DNM1L: variants seen among roughly 807,000 people sequenced by gnomAD.
DNM1L encodes dynamin-1-like protein.
DNM1L carries 33 observed loss-of-function variants against 92.8 expected under a neutral mutation model. The observed-to-expected ratio is 0.36, with a 90% CI of 0.27 to 0.48. DNM1L has a LOEUF of 0.48. Ranked by LOEUF, DNM1L falls within the 20% of genes least tolerant of loss-of-function variation. The pLI, the probability that DNM1L is intolerant of heterozygous loss-of-function variation, is 0.99. For missense variants in DNM1L, 485 were observed against 888.8 expected (o/e 0.55, Z 5.78); for synonymous variants, 284 against 305.0 (o/e 0.93, Z 0.72).
intron 2 of DNM1L, among the ~76,000 whole-genome samples, chr12:32,704,667 G>GC (rs1267819896): frequency 1.3e-5 from 2 of 151,778 alleles, no homozygotes; most frequent in African/African-American, 4.8e-5. Context: ...GCAATCAGTT[G>GC]CCCCCCAAAA....
At chr12:32,713,435 G>A in intron 6 of DNM1L, 64 bp downstream of exon 6, 1 of 1,549,350 alleles carries the variant, frequency 6.5e-7, no homozygotes, top group East Asian at 2.3e-5. Context: ...CCTTGAGAAA[G>A]GAATTTTTCT....
chr12:32,738,351 A>G, intron 16 of DNM1L, 55 bp downstream of exon 16: 4 of 1,582,388 alleles, frequency 2.5e-6, no homozygotes, highest in Non-Finnish European at 3.5e-6. Context: ...TCACTGAAAC[A>G]CTGTCTATAC....
chr12:32,727,347 G>A, intron 9 of DNM1L: 1 of 792,792 alleles, frequency 1.3e-6, no homozygotes, highest in Non-Finnish European at 2.3e-6. Flanking sequence ...AACTACCCTA[G>A]CTAGGCAGGT....
In DNM1L at chr12:32,696,271, C is replaced by G. The variant is rs994588328; in HGVS notation, c.103-5144C>G. Among the ~76,000 whole-genome samples the G allele has an allele frequency of 2.0e-5, 3 of 152,024 alleles. No homozygotes were observed. The East Asian group carries it at 5.8e-4, about 29-fold the overall frequency. On this transcript the variant is annotated intron_variant, in intron 1 of 19. Transcript: ENST00000549701. ...AAAATCAGGGCCAGGTGTGGTAGCT[C>G]ATACCTGTAGTCCCAACACTTTTGG...
chr12:32,716,764 A>ATG (rs1467859341), intron 6 of DNM1L, among the ~76,000 whole-genome samples: 67 of 146,220 alleles, frequency 4.6e-4, no homozygotes, highest in South Asian at 4.2e-3. Context: ...ATATATATAT[A>ATG]GTAACTGAAA....
At chr12:32,715,217 C>A (rs1268636053) in intron 6 of DNM1L, among the ~76,000 whole-genome samples, 1 of 151,646 alleles carries the variant, frequency 6.6e-6, no homozygotes, top group African/African-American at 2.4e-5. Flanking sequence ...CCTCAGTCTC[C>A]CAAAGTGTTG....
chr12:32,727,343 C>CCTAG (rs1421017101), intron 9 of DNM1L: 1 of 795,998 alleles, frequency 1.3e-6, no homozygotes, highest in East Asian at 2.4e-5. Context: ...TTTTAACTAC[C>CCTAG]CTAGCTAGGC....
intron 6 of DNM1L, among the ~76,000 whole-genome samples, chr12:32,718,294 A>G (rs1179990269): frequency 1.3e-5 from 2 of 151,326 alleles, no homozygotes; most frequent in Non-Finnish European, 2.9e-5. Context: ...GGCGTCTGCC[A>G]CTGTGCCTGG....
chr12:32,699,167 A>G (rs559373653), intron 1 of DNM1L, among the ~76,000 whole-genome samples: 46 of 152,328 alleles, frequency 3.0e-4, no homozygotes, highest in African/African-American at 1.1e-3. Context: ...CAAAAGGAAA[A>G]AAGTCTTTGT....
chr12:32,731,446 TGTGTGGAACTG>T lies in DNM1L; in HGVS notation c.1294_1304del (p.Val432SerfsTer2). 6.2e-7 allele frequency: 1 copy of T among 1,614,188 alleles called. No homozygotes were observed. Among genetic ancestry groups the T allele is most frequent in the Non-Finnish European group, 8.5e-7 (1 of 1,180,022 alleles). On this transcript the variant is annotated frameshift_variant, in exon 11 of 20. Coordinates refer to ENST00000549701, the MANE Select transcript of DNM1L (RefSeq NM_012062.5). LOFTEE classifies it high-confidence loss of function. The surrounding 1 kb of genome is among the most constrained non-coding windows in gnomAD (Gnocchi z 5.1). ...ACGTCTAGAAGAGCCCAGCCTCCGC[TGTGTGGAACTG>T]GTTCATGAGGAAATGCAAAGGATCA...
intron 2 of DNM1L, among the ~76,000 whole-genome samples, chr12:32,703,108 A>G (rs1387057993): frequency 1.3e-5 from 2 of 149,360 alleles, no homozygotes; most frequent in East Asian, 3.9e-4. Context: ...GAGAGGGCCC[A>G]TGATATCCTG....
chr12:32,741,845 T>C (rs1206240343), intron 18 of DNM1L, among the ~76,000 whole-genome samples: 3 of 152,236 alleles, frequency 2.0e-5, no homozygotes, highest in Non-Finnish European at 2.9e-5. Flanking sequence ...TCATAGGCTA[T>C]ACCATCTACG....
At position 32,745,241 on chromosome 12, in the gene DNM1L, TC is replaced by T; in HGVS notation, c.*1833del. On this transcript the variant is annotated 3_prime_UTR_variant, in exon 20 of 20. Transcript: ENST00000549701. The stretch of plus-strand genomic sequence containing the variant: ...TTATAGCCATTCATGATTTACTTTT[TC>T]CAGATGACTATCATTATTCTAGTCC... The T allele has an allele frequency of 3.9e-6, 1 of 254,558 alleles. No homozygotes were observed. The highest frequency in any genetic ancestry group is 4.1e-5 in the South Asian group (1 of 24,396). The allele number at this position is 254,558 out of a possible 1,614,324, so 15.8% of individuals were successfully genotyped here.
rs1198143933 is a variant in DNM1L, at chr12:32,744,650, T to C, written c.*1240T>C. The stretch of plus-strand genomic sequence containing the variant: ...ATTGCTTGACCCTGGGAGGTGGAGG[T>C]TGTGGTGAGCTAAGATCGTGCCATT... On this transcript the variant is annotated 3_prime_UTR_variant, in exon 20 of 20. Coordinates refer to ENST00000549701, the MANE Select transcript of DNM1L (RefSeq NM_012062.5). The C allele has an allele frequency of 3.3e-6, 1 of 299,504 alleles. No homozygotes were observed. Among genetic ancestry groups the C allele is most frequent in the Non-Finnish European group, 6.4e-6 (1 of 156,050 alleles). 18.6% of individuals were successfully genotyped at this position (299,504 alleles called of 1,614,324 possible).
chr12:32,695,907 A>G (rs959428514), intron 1 of DNM1L, among the ~76,000 whole-genome samples: 4 of 152,206 alleles, frequency 2.6e-5, no homozygotes, highest in Admixed American at 6.5e-5. Flanking sequence ...AAGGAGAAAG[A>G]CATTAAAAAT....
In DNM1L at chr12:32,706,889, C is replaced by T. The variant is rs142289098; in HGVS notation, c.251-478C>T. 1,600 of 331,732 alleles carry T rather than the reference C, an allele frequency of 4.8e-3. 19 individuals are homozygous for T. Among genetic ancestry groups the T allele is most frequent in the African/African-American group, 0.032 (1,482 of 46,256 alleles). The allele number at this position is 331,732 out of a possible 1,614,324, so 20.5% of individuals were successfully genotyped here. On this transcript the variant is annotated intron_variant, in intron 2 of 19. Transcript: ENST00000549701. Reference sequence around the variant, plus strand: ...TTCATTGACACATTGTAAAATTTTTCCTTGAGTCATATGTGTACATCTGTT... The same window carrying T: ...TTCATTGACACATTGTAAAATTTTTTCTTGAGTCATATGTGTACATCTGTT...
chr12:32,713,365 C>G lies in DNM1L; in HGVS notation c.613C>G (p.Pro205Ala), dbSNP rs749615882. Residue 205 changes from proline (P) to alanine (A), a missense_variant, in exon 6 of 20, where the codon CCA (proline) becomes GCA (alanine). Transcript: ENST00000549701. ...ACTTAAAATTTCAAGAGAGGTAGAT[C>G]CAGATGGTAAGGACAGATGTTAATT... The part of the protein sequence containing the change: ...EALKISREVD[P>A]DGRRTLAVIT... 2 of 1,613,694 alleles carry G rather than the reference C, an allele frequency of 1.2e-6. No homozygotes were observed. Among genetic ancestry groups the G allele is most frequent in the African/African-American group, 1.3e-5 (1 of 74,980 alleles).
rs765974752 is a variant in DNM1L, at chr12:32,701,592, ACAG to A, written c.250+32_250+34del. 1.9e-6 allele frequency: 3 copies of A among 1,574,330 alleles called. No individual in the cohort carries two copies. In the Admixed American group the frequency reaches 5.0e-5, roughly 26 times the overall value. On this transcript the variant is annotated intron_variant, in intron 2 of 19. Transcript: ENST00000549701. ...ATTTCAGATTTGAGATAATTATTTT[ACAG>A]CTCTTCATTTTTGATCTATTCTTAA... is the stretch of plus-strand genomic sequence containing the variant.
At chr12:32,702,229 G>T (rs1386844554) in intron 2 of DNM1L, among the ~76,000 whole-genome samples, 1 of 95,134 alleles carries the variant, frequency 1.1e-5, no homozygotes, top group Non-Finnish European at 1.9e-5. Context: ...GTGAGACTCC[G>T]TCTCAAAAAA....
Sources: allele counts gnomAD v4.1 joint callset (sites outside exome capture counted in the v4.1 genomes callset), GRCh38; gene constraint gnomAD v4.1.1; non-coding constraint Gnocchi (gnomAD v3.1); transcripts MANE v1.5; gene names NCBI Gene and HGNC (gene_info 2026-07-23, HGNC 2026-07-21).